Variants in TRPM3 observed in about 807,000 individuals in gnomAD.
TRPM3 encodes transient receptor potential cation channel subfamily M member 3.
Under a neutral mutation model 181.2 loss-of-function variants are expected in TRPM3, and 77 were observed. That is an observed-to-expected ratio of 0.42 (90% CI 0.35 to 0.51). The LOEUF is 0.51. Ranked by LOEUF, TRPM3 falls within the 20% of genes least tolerant of loss-of-function variation. The probability of loss-of-function intolerance (pLI) is 0.01; values close to 1 mark genes in which losing one functional copy is unlikely to be tolerated. For missense variants in TRPM3, 1,759 were observed against 2,196.7 expected, an observed-to-expected ratio of 0.80 and a Z score of 3.98; for synonymous variants, 745 against 796.4, an observed-to-expected ratio of 0.94 and a Z score of 1.09.
chr9:71,059,011 AT>A (rs1162577364), intron 1 of TRPM3, among the ~76,000 whole-genome samples: 88 of 52,626 alleles, frequency 1.7e-3, no homozygotes, highest in Admixed American at 1.9e-3. Context: ...TTGTTTGTTC[AT>A]TTTTTTTTTT....
intron 1 of TRPM3, among the ~76,000 whole-genome samples, chr9:71,216,040 A>G (rs1363725864): frequency 6.6e-6 from 1 of 152,220 alleles, no homozygotes; most frequent in African/African-American, 2.4e-5. Context: ...GTATATGTCT[A>G]TTGTGAAAGC....
chr9:70,847,893 TA>T (rs1333712231), intron 3 of TRPM3, among the ~76,000 whole-genome samples: 1 of 152,180 alleles, frequency 6.6e-6, no homozygotes, highest in Non-Finnish European at 1.5e-5. Context: ...CTGGTAGAAG[TA>T]AATGGAGATT....
rs779397915 is a variant in TRPM3 at position 71,428,387 on chromosome 9, C to T, written c.183+18266G>A. Reference sequence around the variant, plus strand: ...CTGGGATTACAGGCGTGAGCCACCACGCCAGTCAGCCTGTTTTTTTTAAAC... The same window carrying T: ...CTGGGATTACAGGCGTGAGCCACCATGCCAGTCAGCCTGTTTTTTTTAAAC... On this transcript the variant is annotated intron_variant, in intron 1 of 24. Transcript: ENST00000357533. Among the ~76,000 whole-genome samples, 9 of 151,854 alleles carry T rather than the reference C, an allele frequency of 5.9e-5. No individual in the cohort carries two copies. In the South Asian group the frequency reaches 6.2e-4, roughly 11 times the overall value.
chr9:70,677,413 G>A (rs1291211748), intron 9 of TRPM3, among the ~76,000 whole-genome samples: 1 of 152,232 alleles, frequency 6.6e-6, no homozygotes, highest in Non-Finnish European at 1.5e-5. Flanking sequence ...AACGGTGCCA[G>A]AGCTATAACA....
rs573130161 is a variant in TRPM3 at position 71,040,309 on chromosome 9, G to C, written c.177+80869C>G. ...AATATTTTTAAAGGTAAATATTAGT[G>C]AATGAAGCTCTCTCTATAACAGAAG... On this transcript the variant is annotated intron_variant, in intron 1 of 25. Transcript: ENST00000677713. 3.9e-5 allele frequency among the ~76,000 whole-genome samples: 6 copies of C among 152,286 alleles called. No individual in the cohort carries two copies. In the East Asian group the frequency reaches 1.2e-3, roughly 29 times the overall value.
chr9:71,170,602 T>C (rs1229473528), intron 1 of TRPM3, among the ~76,000 whole-genome samples: 1 of 152,234 alleles, frequency 6.6e-6, no homozygotes, highest in African/African-American at 2.4e-5. Flanking sequence ...TGTAATTTCT[T>C]ATGCCTGTCT....
chr9:71,080,208 A>AAATAAATAAATT (rs371580814), intron 1 of TRPM3, among the ~76,000 whole-genome samples: 1 of 139,442 alleles, frequency 7.2e-6, no homozygotes, highest in Non-Finnish European at 1.6e-5. Flanking sequence ...ATAAATAAAT[A>AAATAAATAAATT]AAATAAAAAG....
intron 1 of TRPM3, among the ~76,000 whole-genome samples, chr9:71,188,647 C>G (rs944790823): frequency 2.0e-5 from 3 of 151,804 alleles, no homozygotes; most frequent in Non-Finnish European, 4.4e-5. Context: ...TCTCAATTAC[C>G]TACTGCCCTA....
chr9:71,200,411 C>T, intron 1 of TRPM3, among the ~76,000 whole-genome samples: 1 of 150,572 alleles, frequency 6.6e-6, no homozygotes, highest in South Asian at 2.2e-4. Flanking sequence ...GAGCTGAGTT[C>T]AATTCCTGGG....
intron 1 of TRPM3, among the ~76,000 whole-genome samples, chr9:71,105,497 A>AG (rs2069307696): frequency 6.6e-6 from 1 of 152,144 alleles, no homozygotes; most frequent in Non-Finnish European, 1.5e-5. Context: ...CAAGGCAGGC[A>AG]GGGTAATCAT....
chr9:70,584,220 TC>T (rs1400109043), intron 22 of TRPM3, among the ~76,000 whole-genome samples: 1 of 151,928 alleles, frequency 6.6e-6, no homozygotes, highest in African/African-American at 2.4e-5. Flanking sequence ...TGAGTCCACT[TC>T]CCCATTTTCT....
At chr9:71,181,759 C>T (rs986615024) in intron 1 of TRPM3, among the ~76,000 whole-genome samples, 5 of 152,270 alleles carry the variant, frequency 3.3e-5, no homozygotes, top group Non-Finnish European at 7.4e-5. Flanking sequence ...TACACACTCA[C>T]ATGGGATGTT....
chr9:70,920,721 G>A (rs910325188), intron 1 of TRPM3, among the ~76,000 whole-genome samples: 3 of 151,994 alleles, frequency 2.0e-5, no homozygotes, highest in African/African-American at 7.2e-5. Context: ...TCACAAATAG[G>A]AAAGATATAA....
At chr9:71,241,635 T>C (rs1031205617) in intron 1 of TRPM3, among the ~76,000 whole-genome samples, 1 of 152,060 alleles carries the variant, frequency 6.6e-6, no homozygotes, top group Non-Finnish European at 1.5e-5. Context: ...ACCCTAAAAC[T>C]TAAAGTATAA....
At chr9:71,197,893 A>G (rs2078497605) in intron 1 of TRPM3, among the ~76,000 whole-genome samples, 1 of 149,438 alleles carries the variant, frequency 6.7e-6, no homozygotes, top group Non-Finnish European at 1.5e-5. Flanking sequence ...CCATTTGTCA[A>G]TTTTGGCTTT....
intron 25 of TRPM3, among the ~76,000 whole-genome samples, chr9:70,547,555 CCAACAACAATGA>C (rs1335671685): frequency 7.0e-6 from 1 of 142,074 alleles, no homozygotes; most frequent in Non-Finnish European, 1.5e-5. Flanking sequence ...AAAAAAAAAC[CCAACAACAATGA>C]CAACAACAGC....
At chr9:71,039,654 G>A (rs2058607642) in intron 1 of TRPM3, among the ~76,000 whole-genome samples, 1 of 152,116 alleles carries the variant, frequency 6.6e-6, no homozygotes. Flanking sequence ...ACATAAACAG[G>A]TCCCAATTCT....
chr9:71,430,887 C>T (rs1381510225), intron 1 of TRPM3, among the ~76,000 whole-genome samples: 1 of 152,052 alleles, frequency 6.6e-6, no homozygotes, highest in African/African-American at 2.4e-5. Context: ...CTTCTTTCGC[C>T]CATTGATTCT....
intron 8 of TRPM3, among the ~76,000 whole-genome samples, chr9:70,693,765 A>G (rs570115047): frequency 6.6e-6 from 1 of 152,328 alleles, no homozygotes; most frequent in Non-Finnish European, 1.5e-5. Flanking sequence ...CCTGCCCACC[A>G]GGAGGTCATA....
Sources: allele counts gnomAD v4.1 joint callset (sites outside exome capture counted in the v4.1 genomes callset), GRCh38; gene constraint gnomAD v4.1.1; transcripts MANE v1.5; gene names NCBI Gene and HGNC (gene_info 2026-07-23, HGNC 2026-07-21).